Variants in SYT9 observed in about 807,000 individuals in gnomAD.
SYT9 encodes the protein synaptotagmin-9.
SYT9 carries 22 observed loss-of-function variants against 48.4 expected under a neutral mutation model. The observed-to-expected ratio is 0.45, with a 90% confidence interval of 0.32 to 0.65. SYT9 has a LOEUF of 0.65. SYT9 is among the 30% of genes least tolerant of loss of function. The pLI is 0.03. For synonymous variants in SYT9, 265 were observed against 245.0 expected (o/e 1.08, Z -0.76); for missense variants, 577 against 622.0 (o/e 0.93, Z 0.77).
intron 6 of SYT9, among the ~76,000 whole-genome samples, chr11:7,433,650 G>T (rs1418373895): frequency 1.3e-5 from 2 of 152,106 alleles, no homozygotes; most frequent in African/African-American, 2.4e-5. Flanking sequence ...TTCATGAATG[G>T]GATTAGTGCC....
At chr11:7,464,170 G>A (rs1848285868) in intron 6 of SYT9, among the ~76,000 whole-genome samples, 1 of 152,160 alleles carries the variant, frequency 6.6e-6, no homozygotes, top group Non-Finnish European at 1.5e-5. Flanking sequence ...GCACAGAACT[G>A]TGGGGGCAAA....
At chr11:7,382,152 A>G (rs1164170699) in intron 3 of SYT9, among the ~76,000 whole-genome samples, 2 of 152,178 alleles carry the variant, frequency 1.3e-5, no homozygotes, top group African/African-American at 4.8e-5. Context: ...CTCGTGTATG[A>G]CATAGGATCC....
intron 3 of SYT9, among the ~76,000 whole-genome samples, chr11:7,346,723 G>C (rs549212561): frequency 6.6e-6 from 1 of 152,210 alleles, no homozygotes; most frequent in East Asian, 1.9e-4. Flanking sequence ...TAATTTGCTG[G>C]ATTTTCCTTG....
chr11:7,396,184 A>G (rs1281663655), intron 3 of SYT9, among the ~76,000 whole-genome samples: 2 of 152,110 alleles, frequency 1.3e-5, no homozygotes, highest in African/African-American at 4.8e-5. Flanking sequence ...CACAACATAG[A>G]CTATTTCTAT....
At chr11:7,376,367 T>TCCTTCCTTCCTTCCTTCCTTCCTC (rs1850454654) in intron 3 of SYT9, among the ~76,000 whole-genome samples, 1 of 149,346 alleles carries the variant, frequency 6.7e-6, no homozygotes, top group Non-Finnish European at 1.5e-5. Context: ...CTTCCTTCCT[T>TCCTTCCTTCCTTCCTTCCTTCCTC]CCTCCTCCCC....
intron 3 of SYT9, 85 bp downstream of exon 3, chr11:7,314,026 A>G (rs1849196738): frequency 4.8e-6 from 7 of 1,468,014 alleles, no homozygotes; most frequent in Non-Finnish European, 6.4e-6. Context: ...TCTTGAGGAC[A>G]AAGTGTAAAA....
intron 3 of SYT9, among the ~76,000 whole-genome samples, chr11:7,378,090 C>T (rs995940024): frequency 7.0e-6 from 1 of 143,428 alleles, no homozygotes; most frequent in Non-Finnish European, 1.5e-5. Context: ...CTGAAGATTG[C>T]ACAGAGAGGT....
chr11:7,396,633 G>C (rs1846758465), intron 3 of SYT9, among the ~76,000 whole-genome samples: 1 of 152,234 alleles, frequency 6.6e-6, no homozygotes, highest in Middle Eastern at 3.4e-3. Flanking sequence ...TGGGTCATTT[G>C]ACAAGAGAAT....
intron 3 of SYT9, among the ~76,000 whole-genome samples, chr11:7,340,441 T>C (rs1374294739): frequency 3.3e-5 from 5 of 152,204 alleles, no homozygotes; most frequent in Non-Finnish European, 1.5e-5. Flanking sequence ...ACTCTGACTA[T>C]TGGAGTTGTT....
chr11:7,448,131 A>G (rs1365304033), intron 6 of SYT9, among the ~76,000 whole-genome samples: 3 of 152,228 alleles, frequency 2.0e-5, no homozygotes, highest in South Asian at 4.1e-4. Context: ...GAGAATAGCC[A>G]TGGGGCTCGG....
At chr11:7,273,167 G>A (rs1451471730) in intron 1 of SYT9, among the ~76,000 whole-genome samples, 1 of 152,134 alleles carries the variant, frequency 6.6e-6, no homozygotes, top group East Asian at 1.9e-4. Flanking sequence ...AGAGCAGGTA[G>A]AGGGAATGAG....
chr11:7,432,274 T>C (rs1286056584), intron 6 of SYT9, among the ~76,000 whole-genome samples: 1 of 152,046 alleles, frequency 6.6e-6, no homozygotes, highest in Non-Finnish European at 1.5e-5. Context: ...CAATCGGGCA[T>C]GGTGGCTCAC....
intron 6 of SYT9, among the ~76,000 whole-genome samples, chr11:7,460,793 G>A (rs11041399): frequency 0.33 from 49,906 of 151,966 alleles, 9,509 homozygotes; most frequent in African/African-American, 0.52. Context: ...AATAAATAAA[G>A]TTTACACAAA....
chr11:7,307,809 T>C (rs1849059871), intron 2 of SYT9, among the ~76,000 whole-genome samples: 1 of 152,212 alleles, frequency 6.6e-6, no homozygotes, highest in Non-Finnish European at 1.5e-5. Context: ...AGAGAAAGTT[T>C]TGGTGAACAA....
chr11:7,271,603 G>A (rs987632538), intron 1 of SYT9, among the ~76,000 whole-genome samples: 21 of 152,028 alleles, frequency 1.4e-4, no homozygotes, highest in Admixed American at 5.2e-4. Flanking sequence ...TTGAGATGGA[G>A]TCTTGCTCTG....
intron 6 of SYT9, among the ~76,000 whole-genome samples, chr11:7,431,414 A>G (rs1847567462): frequency 2.0e-5 from 3 of 152,224 alleles, no homozygotes; most frequent in South Asian, 4.1e-4. Context: ...AGAGTGTAAA[A>G]GTTTGGAAAA....
At chr11:7,457,488 T>C (rs1215911284) in intron 6 of SYT9, 1 of 152,246 alleles carries the variant, frequency 6.6e-6, no homozygotes, top group African/African-American at 2.4e-5. Flanking sequence ...AAAGTCAGCA[T>C]TGAATAAGTT....
chr11:7,448,420 G>A (rs114906771), intron 6 of SYT9, among the ~76,000 whole-genome samples: 5 of 152,244 alleles, frequency 3.3e-5, no homozygotes, highest in African/African-American at 4.8e-5. Flanking sequence ...CATCTTCTCC[G>A]TTCAGGGCTC....
chr11:7,393,073 A>G (rs1034877894), intron 3 of SYT9, among the ~76,000 whole-genome samples: 2 of 152,080 alleles, frequency 1.3e-5, no homozygotes, highest in Admixed American at 6.6e-5. Context: ...CTCTTTTCCT[A>G]TTTAGATGTC....
Sources: gnomAD v4.1 joint callset for allele counts (sites outside exome capture counted in the v4.1 genomes callset) on GRCh38, gnomAD v4.1.1 for gene constraint, MANE v1.5 for transcripts, NCBI Gene and HGNC (gene_info 2026-07-23, HGNC 2026-07-21) for gene names.